The following SHTN1 variants were observed in gnomAD, a reference collection of about 807,000 sequenced individuals.
SHTN1 encodes the protein shootin-1.
In SHTN1, 42 loss-of-function variants were observed where a neutral mutation model predicts 83.1. That is an observed-to-expected ratio of 0.51 (90% CI 0.39 to 0.65). The LOEUF is 0.65. Ranked by LOEUF, SHTN1 falls within the 30% of genes least tolerant of loss-of-function variation. SHTN1 has a pLI of 0.00. For synonymous variants in SHTN1, 224 were observed against 247.7 expected (o/e 0.90, Z 0.90); for missense variants, 622 against 737.8 (o/e 0.84, Z 1.82).
At chr10:117,090,656 G>T (rs1408364365) in intron 1 of SHTN1, among the ~76,000 whole-genome samples, 3 of 152,112 alleles carry the variant, frequency 2.0e-5, no homozygotes, top group African/African-American at 7.2e-5. Context: ...TGTTTCATAT[G>T]ATTGTGCCAG....
chr10:116,933,923 G>A (rs1399510241), intron 9 of SHTN1, among the ~76,000 whole-genome samples: 1 of 152,188 alleles, frequency 6.6e-6, no homozygotes, highest in Non-Finnish European at 1.5e-5. Context: ...GACCAGTGAT[G>A]ATGAGCTTTT....
At chr10:117,112,941 AT>A (rs980657317) in intron 1 of SHTN1, among the ~76,000 whole-genome samples, 45 of 152,194 alleles carry the variant, frequency 3.0e-4, no homozygotes, top group African/African-American at 9.6e-4. Context: ...AAAGTAATAT[AT>A]TTTTTAATCT....
At chr10:116,943,215 G>A (rs2133402356) in intron 8 of SHTN1, among the ~76,000 whole-genome samples, 1 of 152,178 alleles carries the variant, frequency 6.6e-6, no homozygotes, top group Non-Finnish European at 1.5e-5. Flanking sequence ...TAAGACTGAA[G>A]ACCAGGTGAA....
intron 8 of SHTN1, among the ~76,000 whole-genome samples, chr10:116,940,894 T>C (rs1849344882): frequency 1.3e-5 from 2 of 152,308 alleles, no homozygotes; most frequent in South Asian, 4.1e-4. Context: ...ATATTAATAG[T>C]AGTAGCTAAT....
intron 2 of SHTN1, among the ~76,000 whole-genome samples, chr10:117,042,273 C>T (rs1852594097): frequency 6.6e-6 from 1 of 152,142 alleles, no homozygotes; most frequent in South Asian, 2.1e-4. Context: ...TGCTCAGAAG[C>T]AAATTTATCC....
intron 2 of SHTN1, among the ~76,000 whole-genome samples, chr10:116,977,087 C>A (rs1342658810): frequency 2.0e-5 from 3 of 152,202 alleles, no homozygotes; most frequent in Non-Finnish European, 4.4e-5. Flanking sequence ...TAAAACCTCA[C>A]TGAGAAAGTG....
intron 4 of SHTN1, among the ~76,000 whole-genome samples, chr10:116,957,376 C>T (rs1321502494): frequency 6.6e-6 from 1 of 151,232 alleles, no homozygotes; most frequent in Non-Finnish European, 1.5e-5. Context: ...GCCTCAGCCT[C>T]CCGAGTAACT....
At chr10:117,082,571 G>A (rs1377801404) in intron 1 of SHTN1, among the ~76,000 whole-genome samples, 17 of 152,094 alleles carry the variant, frequency 1.1e-4, no homozygotes, top group Admixed American at 3.3e-4. Context: ...GCAGAGCTGA[G>A]TTCAATTCCT....
chr10:117,031,770 C>A (rs1044261666), intron 2 of SHTN1, among the ~76,000 whole-genome samples: 2 of 151,948 alleles, frequency 1.3e-5, no homozygotes, highest in Admixed American at 1.3e-4. Flanking sequence ...ATGTAAGAAG[C>A]AAGACACTAA....
intron 1 of SHTN1, among the ~76,000 whole-genome samples, chr10:117,065,213 C>T (rs1043318275): frequency 1.3e-5 from 2 of 152,082 alleles, no homozygotes; most frequent in Admixed American, 6.5e-5. Flanking sequence ...GCATGTGGGG[C>T]TTCAAACCTA....
intron 1 of SHTN1, among the ~76,000 whole-genome samples, chr10:116,999,517 A>T (rs1451201077): frequency 6.6e-6 from 1 of 152,226 alleles, no homozygotes; most frequent in East Asian, 1.9e-4. Flanking sequence ...AGTGATAATG[A>T]AATAAAGATT....
At position 117,033,899 on chromosome 10, in the gene SHTN1, T is replaced by A. The variant is rs140000157; in HGVS notation, c.-123+14546A>T. 2.5e-4 allele frequency among the ~76,000 whole-genome samples: 38 copies of A among 152,280 alleles called. No individual in the cohort carries two copies. In the East Asian group the frequency reaches 7.3e-3, roughly 29 times the overall value. On this transcript the variant is annotated intron_variant, in intron 2 of 17. Transcript: ENST00000392901. Reference sequence around the variant, plus strand: ...TATACAAGTCAATCAATGTGATACATCATATCACAGAATGAATGACAAAAA... The same window carrying A: ...TATACAAGTCAATCAATGTGATACAACATATCACAGAATGAATGACAAAAA...
intron 4 of SHTN1, among the ~76,000 whole-genome samples, chr10:116,955,014 C>A (rs1478427167): frequency 6.7e-6 from 1 of 149,044 alleles, no homozygotes; most frequent in African/African-American, 2.5e-5. Flanking sequence ...ATATTTCTAA[C>A]AGATCCCACA....
intron 1 of SHTN1, among the ~76,000 whole-genome samples, chr10:116,999,804 T>C (rs981793024): frequency 6.6e-6 from 1 of 152,020 alleles, no homozygotes; most frequent in African/African-American, 2.4e-5. Flanking sequence ...TCCCAGCTAC[T>C]TGGGAGGCTG....
At position 117,023,347 on chromosome 10, in the gene SHTN1, C is replaced by G. The variant is rs571237403; in HGVS notation, c.-123+25098G>C. On this transcript the variant is annotated intron_variant, in intron 2 of 17. Coordinates refer to the SHTN1 transcript ENST00000392901. ...AAATTTTAGAATCTAGTCCCATCCC[C>G]TTCCTAGATGAGCTGCATTCAACAG... Among the ~76,000 whole-genome samples, 152 of 152,284 alleles carry G rather than the reference C, an allele frequency of 1.0e-3. 1 individual carries two copies. Among genetic ancestry groups the G allele is most frequent in the African/African-American group, 3.5e-3 (147 of 41,546 alleles).
intron 1 of SHTN1, among the ~76,000 whole-genome samples, chr10:117,120,774 T>C (rs929126262): frequency 6.6e-6 from 1 of 151,748 alleles, no homozygotes; most frequent in Non-Finnish European, 1.5e-5. Context: ...AAAAGACAAA[T>C]ATTTCAGGTG....
At position 117,013,323 on chromosome 10, in the gene SHTN1, G is replaced by A. The variant is rs529210466; in HGVS notation, c.-122-34015C>T. On this transcript the variant is annotated intron_variant, in intron 2 of 17. Transcript: ENST00000392901. ...CCCAGTAGCTGGGCTACAGGCACCC[G>A]CCACCACGCCCACCTAATTTTTGTA... is the stretch of plus-strand genomic sequence containing the variant. Among the ~76,000 whole-genome samples the A allele has an allele frequency of 1.2e-4, 18 of 152,040 alleles. No homozygotes were observed. In the East Asian group the frequency reaches 3.1e-3, roughly 26 times the overall value.
intron 2 of SHTN1, among the ~76,000 whole-genome samples, chr10:117,035,854 G>A (rs1852486631): frequency 6.8e-6 from 1 of 147,418 alleles, no homozygotes; most frequent in Non-Finnish European, 1.5e-5. Context: ...GGCTGAGGCA[G>A]GAGAATCGCT....
At chr10:116,952,241 C>T (rs1158523620) in intron 5 of SHTN1, among the ~76,000 whole-genome samples, 4 of 152,106 alleles carry the variant, frequency 2.6e-5, no homozygotes, top group Non-Finnish European at 4.4e-5. Flanking sequence ...ATTAAATGTA[C>T]CAGATCATGT....
Sources: allele counts gnomAD v4.1 joint callset (sites outside exome capture counted in the v4.1 genomes callset), GRCh38; gene constraint gnomAD v4.1.1; transcripts MANE v1.5; gene names NCBI Gene and HGNC (gene_info 2026-07-23, HGNC 2026-07-21).